The following SLIT3 variants were observed in gnomAD, a reference collection of about 807,000 sequenced individuals.
SLIT3 encodes slit homolog 3 protein.
Under a neutral mutation model 184.0 loss-of-function variants are expected in SLIT3, and 68 were observed. The observed-to-expected ratio is 0.37, with a 90% CI of 0.30 to 0.45. The LOEUF (loss-of-function observed/expected upper bound fraction) is 0.45, where lower values mean the gene tolerates loss of function less well. Among genes scored for constraint, SLIT3 ranks in the 20% least tolerant of loss-of-function variants. SLIT3 has a pLI of 1.00. For missense variants in SLIT3, 1,707 were observed against 2,026.0 expected (o/e 0.84, Z 3.02); for synonymous variants, 831 against 828.6 (o/e 1.00, Z -0.05).
intron 4 of SLIT3, among the ~76,000 whole-genome samples, chr5:169,017,542 A>C (rs13359985): frequency 0.11 from 16,943 of 152,220 alleles, 2,523 homozygotes; most frequent in African/African-American, 0.34. Context: ...ACACTTAGGC[A>C]AGGCCTCGCT....
chr5:168,708,172 C>A lies in SLIT3; in HGVS notation c.2720-72G>T, dbSNP rs1762433861. The A allele has an allele frequency of 9.3e-6, 15 of 1,604,802 alleles. No individual in the cohort carries two copies. In the South Asian group the frequency reaches 1.7e-4, roughly 18 times the overall value. ...ACTGCCATACCTCCCTTCCCCTCTG[C>A]TCTGGGCCCTCCCTCAGCCAGCGCC... On this transcript the variant is annotated intron_variant, in intron 25 of 35. Transcript: ENST00000519560.
chr5:168,856,746 A>T (rs565455198), intron 5 of SLIT3, among the ~76,000 whole-genome samples: 3 of 146,604 alleles, frequency 2.0e-5, no homozygotes, highest in Admixed American at 2.0e-4. Flanking sequence ...TTGCATTTGC[A>T]TTTCAGAAGC....
Position 168,795,508 on chromosome 5 carries a change from T to C in SLIT3, c.1006A>G (p.Ile336Val). ...CATTTCTCCACAGGGGAAACTCACATTCGCTTCAGTTTCTTGTACTGGGTG... is the reference window on the plus strand; with the variant it reads ...CATTTCTCCACAGGGGAAACTCACACTCGCTTCAGTTTCTTGTACTGGGTG... The part of the protein sequence containing the change: ...AFTQYKKLKR[I>V]DISKNQISDI... Residue 336 changes from isoleucine (I) to valine (V), a missense_variant and splice_region_variant, in exon 10 of 36, where the codon ATA becomes GTA. By Grantham distance (29) the Ile-to-Val change is conservative (BLOSUM62 3). Transcript: ENST00000519560. The C allele has an allele frequency of 6.2e-7, 1 of 1,611,350 alleles. No individual in the cohort carries two copies. The highest frequency in any genetic ancestry group is 8.5e-7 in the Non-Finnish European group (1 of 1,177,514).
intron 1 of SLIT3, among the ~76,000 whole-genome samples, chr5:169,263,865 A>G (rs1037489496): frequency 6.6e-6 from 1 of 150,476 alleles, no homozygotes; most frequent in African/African-American, 2.4e-5. Context: ...CTCCCAAAGG[A>G]CCTTGAAGAG....
At chr5:168,825,615 G>T (rs1757673526) in intron 6 of SLIT3, among the ~76,000 whole-genome samples, 1 of 152,310 alleles carries the variant, frequency 6.6e-6, no homozygotes, top group East Asian at 1.9e-4. Flanking sequence ...ATTTTATGAA[G>T]TTGAGCCCAC....
intron 4 of SLIT3, among the ~76,000 whole-genome samples, chr5:169,067,950 G>A (rs1179510533): frequency 6.6e-6 from 1 of 152,220 alleles, no homozygotes; most frequent in African/African-American, 2.4e-5. Flanking sequence ...ATTATTAGCT[G>A]CTTTTAATCA....
chr5:168,866,731 C>G (rs1759316502), intron 5 of SLIT3, among the ~76,000 whole-genome samples: 1 of 152,192 alleles, frequency 6.6e-6, no homozygotes, highest in South Asian at 2.1e-4. Context: ...ACTACCTAAC[C>G]TTGCTGAGTC....
chr5:169,098,787 G>A (rs1471235404), intron 4 of SLIT3, among the ~76,000 whole-genome samples: 1 of 152,200 alleles, frequency 6.6e-6, no homozygotes, highest in Non-Finnish European at 1.5e-5. Context: ...TCAGTTGCAA[G>A]AAGCAGGATT....
chr5:168,910,547 T>A (rs1300537451), intron 4 of SLIT3, among the ~76,000 whole-genome samples: 1 of 151,774 alleles, frequency 6.6e-6, no homozygotes, highest in African/African-American at 2.4e-5. Context: ...ATGGAGACCA[T>A]CCTGGCGAAC....
chr5:169,042,106 A>G (rs1314072277), intron 4 of SLIT3, among the ~76,000 whole-genome samples: 1 of 152,344 alleles, frequency 6.6e-6, no homozygotes, highest in East Asian at 1.9e-4. Context: ...AAGATGAAGA[A>G]TGGATATCGT....
intron 32 of SLIT3, among the ~76,000 whole-genome samples, chr5:168,680,646 G>A (rs533522811): frequency 8.2e-4 from 124 of 152,126 alleles, no homozygotes; most frequent in African/African-American, 2.9e-3. Flanking sequence ...CATTTTTTGT[G>A]GTTGGACTGG....
chr5:169,115,876 C>T (rs1271979261), intron 4 of SLIT3, among the ~76,000 whole-genome samples: 2 of 152,174 alleles, frequency 1.3e-5, no homozygotes, highest in East Asian at 1.9e-4. Flanking sequence ...TGGAAGGCCA[C>T]CCCCACTTTG....
intron 7 of SLIT3, among the ~76,000 whole-genome samples, chr5:168,818,270 A>G (rs1223610779): frequency 1.3e-5 from 2 of 152,144 alleles, no homozygotes; most frequent in African/African-American, 2.4e-5. Context: ...CCCCTCTGGT[A>G]GTTGTGGTTC....
chr5:169,213,252 A>C (rs562811047), intron 3 of SLIT3, among the ~76,000 whole-genome samples: 2 of 142,054 alleles, frequency 1.4e-5, no homozygotes, highest in African/African-American at 5.3e-5. Flanking sequence ...AATACAACTT[A>C]CAAGGGTTGT....
chr5:168,825,813 G>T (rs1757685220), intron 6 of SLIT3, among the ~76,000 whole-genome samples: 1 of 152,238 alleles, frequency 6.6e-6, no homozygotes, highest in African/African-American at 2.4e-5. Context: ...TCCTGGGGGT[G>T]AGGGCTATGC....
intron 4 of SLIT3, among the ~76,000 whole-genome samples, chr5:169,129,715 G>A (rs138240869): frequency 5.7e-4 from 87 of 152,278 alleles, no homozygotes; most frequent in African/African-American, 1.7e-3. Flanking sequence ...GCACTGCGGA[G>A]TAAATCCTGG....
intron 4 of SLIT3, among the ~76,000 whole-genome samples, chr5:168,936,844 C>A (rs754883804): frequency 2.0e-5 from 3 of 152,128 alleles, no homozygotes; most frequent in Non-Finnish European, 4.4e-5. Flanking sequence ...AGGTGCTTGT[C>A]TCATCCTAGG....
intron 4 of SLIT3, among the ~76,000 whole-genome samples, chr5:168,961,387 C>G (rs1763001633): frequency 6.6e-6 from 1 of 152,164 alleles, no homozygotes; most frequent in Non-Finnish European, 1.5e-5. Context: ...AAACTAAAAG[C>G]TGTAGACAGA....
intron 4 of SLIT3, among the ~76,000 whole-genome samples, chr5:168,887,709 G>A (rs1366978060): frequency 6.6e-6 from 1 of 152,112 alleles, no homozygotes. Context: ...GTCTATACAG[G>A]TGCCATTATG....
Sources: gnomAD v4.1 joint callset for allele counts (sites outside exome capture counted in the v4.1 genomes callset) on GRCh38, gnomAD v4.1.1 for gene constraint, MANE v1.5 for transcripts, NCBI Gene and HGNC (gene_info 2026-07-23, HGNC 2026-07-21) for gene names.